The following TACR3 variants were observed in gnomAD, a reference collection of about 807,000 sequenced individuals.
TACR3 encodes the protein tachykinin receptor 3.
A neutral mutation model predicts 35.0 loss-of-function variants in TACR3; 34 were observed. That is an observed-to-expected ratio of 0.97 (90% CI 0.74 to 1.30). The LOEUF is 1.30. Ranked by LOEUF, TACR3 falls within the 50% of genes most tolerant of loss-of-function variation. TACR3 has a pLI of 0.00. For synonymous variants in TACR3, 233 were observed against 221.1 expected (o/e 1.05, Z -0.48); for missense variants, 558 against 591.7 (o/e 0.94, Z 0.59).
At chr4:103,641,609 A>G (rs745941071) in intron 3 of TACR3, among the ~76,000 whole-genome samples, 2 of 152,008 alleles carry the variant, frequency 1.3e-5, no homozygotes, top group African/African-American at 2.4e-5. Flanking sequence ...TATCTGATTC[A>G]GCAATCTCAC....
At chr4:103,599,144 T>C (rs556776348) in intron 3 of TACR3, among the ~76,000 whole-genome samples, 113 of 152,354 alleles carry the variant, frequency 7.4e-4, no homozygotes, top group Admixed American at 1.5e-3. Context: ...CAGTGGTTTG[T>C]AGTTCTCCTT....
rs187771842 is a variant in TACR3 at position 103,606,400 on chromosome 4, G to A, written c.889-14717C>T. On this transcript the variant is annotated intron_variant, in intron 3 of 4. Coordinates refer to ENST00000304883, the MANE Select transcript of TACR3 (RefSeq NM_001059.3). Reference sequence around the variant, plus strand: ...GTTGGATGGGGATGGCATTGAATCTGTAAATTACCTTGGGCAGTATGGCCA... The same window carrying A: ...GTTGGATGGGGATGGCATTGAATCTATAAATTACCTTGGGCAGTATGGCCA... Among the ~76,000 whole-genome samples the A allele has an allele frequency of 5.9e-3, 897 of 152,204 alleles. 7 individuals are homozygous for A. The highest frequency in any genetic ancestry group is 0.053 in the East Asian group (276 of 5,172).
rs772508077 is a variant in TACR3 at position 103,719,126 on chromosome 4, A to G, written c.548+2T>C. 2 of 1,613,512 alleles carry G rather than the reference A, an allele frequency of 1.2e-6. No homozygotes were observed. Among genetic ancestry groups the G allele is most frequent in the South Asian group, 2.2e-5 (2 of 91,036 alleles). The stretch of plus-strand genomic sequence containing the variant: ...TTTCCTCTCTGTCTGTCCTCTCCTC[A>G]CCTGTCCACCGCAATGGCCGTCATG... On this transcript the variant is annotated splice_donor_variant, in intron 1 of 4. Coordinates refer to ENST00000304883, the MANE Select transcript of TACR3 (RefSeq NM_001059.3). LOFTEE classifies it high-confidence loss of function.
At chr4:103,630,110 A>G (rs1725024787) in intron 3 of TACR3, among the ~76,000 whole-genome samples, 1 of 152,160 alleles carries the variant, frequency 6.6e-6, no homozygotes, top group Non-Finnish European at 1.5e-5. Flanking sequence ...TATTTAATAA[A>G]TGGTGCTGGG....
At chr4:103,599,162 T>C (rs1724123251) in intron 3 of TACR3, among the ~76,000 whole-genome samples, 1 of 152,236 alleles carries the variant, frequency 6.6e-6, no homozygotes, top group African/African-American at 2.4e-5. Flanking sequence ...CTTGAAGAGC[T>C]CCTTCATATC....
rs1019261269 is a variant in TACR3, at chr4:103,626,147, T to TATCA, written c.888+30043_888+30046dup. On this transcript the variant is annotated intron_variant, in intron 3 of 4. Transcript: ENST00000304883. ...ACTATCATTTTTACCTTTCCCTCCCTATCACCTCATCACCCTCTAAATCAT... is the reference window on the plus strand; with the variant it reads ...ACTATCATTTTTACCTTTCCCTCCCTATCAATCACCTCATCACCCTCTAAATCAT... 2.8e-4 allele frequency among the ~76,000 whole-genome samples: 42 copies of TATCA among 152,334 alleles called. 1 individual carries two copies. In the East Asian group the frequency reaches 7.3e-3, roughly 27 times the overall value.
intron 3 of TACR3, among the ~76,000 whole-genome samples, chr4:103,596,888 G>A (rs1724039900): frequency 6.6e-6 from 1 of 151,800 alleles, no homozygotes. Flanking sequence ...TGCTGAGAAT[G>A]ATGGTTTCCA....
At chr4:103,680,594 A>G (rs2110208735) in intron 1 of TACR3, among the ~76,000 whole-genome samples, 1 of 150,886 alleles carries the variant, frequency 6.6e-6, no homozygotes, top group African/African-American at 2.4e-5. Context: ...TTGTCAAGTG[A>G]AAATGCAATA....
chr4:103,696,901 T>C (rs571837307), intron 1 of TACR3, among the ~76,000 whole-genome samples: 62 of 152,306 alleles, frequency 4.1e-4, no homozygotes, highest in Non-Finnish European at 7.4e-4. Flanking sequence ...GACCAGCCCC[T>C]CTTTCTTTAG....
At position 103,619,307 on chromosome 4, in the gene TACR3, A is replaced by G. The variant is rs564142546; in HGVS notation, c.889-27624T>C. Among the ~76,000 whole-genome samples the G allele has an allele frequency of 2.0e-5, 3 of 152,196 alleles. No individual in the cohort carries two copies. The East Asian group carries it at 5.8e-4, about 29-fold the overall frequency. On this transcript the variant is annotated intron_variant, in intron 3 of 4. Coordinates refer to ENST00000304883, the MANE Select transcript of TACR3 (RefSeq NM_001059.3). ...AGGGTTCAAGCAATTCTCCTGCCCC[A>G]GCCTCCTGAGTAGCTGGGATTGCAG...
intron 4 of TACR3, 50 bp from the exon 5 acceptor site, chr4:103,590,044 A>G: frequency 6.4e-7 from 1 of 1,570,668 alleles, no homozygotes; most frequent in African/African-American, 1.4e-5. Flanking sequence ...TCAAGCAGAT[A>G]TGTCTTTCAG....
chr4:103,683,592 T>C (rs1047073247), intron 1 of TACR3, among the ~76,000 whole-genome samples: 1 of 149,990 alleles, frequency 6.7e-6, no homozygotes, highest in African/African-American at 2.4e-5. Context: ...TACACACATA[T>C]ATAAATAGAT....
chr4:103,664,867 A>G (rs560884036), intron 1 of TACR3, among the ~76,000 whole-genome samples: 116 of 152,078 alleles, frequency 7.6e-4, no homozygotes, highest in African/African-American at 2.7e-3. Flanking sequence ...GCTGGAGTGC[A>G]GAGGTGTGAT....
At position 103,588,455 on chromosome 4, in the gene TACR3, A is replaced by G. The variant is rs1723824839; in HGVS notation, c.*1227T>C. 1 of 152,152 alleles carries G rather than the reference A, an allele frequency of 6.6e-6. No homozygotes were observed. Among genetic ancestry groups the G allele is most frequent in the Non-Finnish European group, 1.5e-5 (1 of 67,996 alleles). 9.4% of individuals were successfully genotyped at this position (152,152 alleles called of 1,614,324 possible). A position where few individuals can be genotyped will look rare whatever the true frequency, so the allele number is the denominator to read the frequency against. ...TTATGAGTCTCAGAAATGTGCTAGT[A>G]TATATCTTCTTGTAGTAAATGTGAT... On this transcript the variant is annotated 3_prime_UTR_variant, in exon 5 of 5. Coordinates refer to ENST00000304883, the MANE Select transcript of TACR3 (RefSeq NM_001059.3).
intron 3 of TACR3, among the ~76,000 whole-genome samples, chr4:103,638,077 T>G (rs1725239807): frequency 6.6e-6 from 1 of 152,114 alleles, no homozygotes; most frequent in African/African-American, 2.4e-5. Flanking sequence ...TTCACAGAAT[T>G]GGAAAAAACT....
At chr4:103,652,284 T>C (rs1222723863) in intron 3 of TACR3, among the ~76,000 whole-genome samples, 1 of 152,116 alleles carries the variant, frequency 6.6e-6, no homozygotes, top group African/African-American at 2.4e-5. Context: ...GATGGGTGAC[T>C]CCCATCTGGC....
chr4:103,596,276 T>C (rs908519163), intron 3 of TACR3, among the ~76,000 whole-genome samples: 6 of 152,044 alleles, frequency 3.9e-5, no homozygotes, highest in Admixed American at 3.9e-4. Context: ...AGTAATGGGA[T>C]GGCTGGGTCA....
chr4:103,692,757 A>G (rs1042799159), intron 1 of TACR3, among the ~76,000 whole-genome samples: 2 of 152,188 alleles, frequency 1.3e-5, no homozygotes, highest in Non-Finnish European at 2.9e-5. Context: ...TGTCTATTAT[A>G]TAACTCCAGT....
chr4:103,719,632 C>G lies in TACR3; in HGVS notation c.44G>C (p.Gly15Ala). The G allele has an allele frequency of 6.2e-7, 1 of 1,613,702 alleles. No homozygotes were observed. Among genetic ancestry groups the G allele is most frequent in the Non-Finnish European group, 8.5e-7 (1 of 1,180,012 alleles). The part of the protein sequence containing the change: ...PAAETWIDGG[G>A]GVGADAVNLT... ...GTTCACGGCGTCTGCACCCACGCCT[C>G]CACCCCCGTCTATCCAGGTTTCTGC... The change falls in exon 1 of 5, where the codon GGA becomes GCA. Residue 15 changes from glycine to alanine, a missense_variant. By Grantham distance (60) the Gly-to-Ala change is moderately conservative. Transcript: ENST00000304883.
Sources: allele counts gnomAD v4.1 joint callset (sites outside exome capture counted in the v4.1 genomes callset), GRCh38; gene constraint gnomAD v4.1.1; transcripts MANE v1.5; gene names NCBI Gene and HGNC (gene_info 2026-07-23, HGNC 2026-07-21).